The following RBMS3 variants were observed in gnomAD, a reference collection of about 807,000 sequenced individuals.
RBMS3 encodes RNA binding motif single stranded interacting protein 3, also known as RNA-binding motif, single-stranded-interacting protein 3.
RBMS3 carries 27 observed loss-of-function variants against 66.8 expected under a neutral mutation model. That is an observed-to-expected ratio of 0.40 (90% CI 0.30 to 0.56). The LOEUF is 0.56. Among genes scored for constraint, RBMS3 ranks in the 20% least tolerant of loss-of-function variants. The pLI, the probability that RBMS3 is intolerant of heterozygous loss-of-function variation, is 0.40. For synonymous variants in RBMS3, 188 were observed against 183.0 expected, an observed-to-expected ratio of 1.03 and a Z score of -0.22; for missense variants, 513 against 549.5, an observed-to-expected ratio of 0.93 and a Z score of 0.66.
chr3:29,388,061 A>G (rs1575680413), intron 1 of RBMS3, among the ~76,000 whole-genome samples: 2 of 149,910 alleles, frequency 1.3e-5, no homozygotes, highest in South Asian at 4.2e-4. Flanking sequence ...AACTTCCCCA[A>G]CCAAACTGTC....
At chr3:29,804,517 A>G (rs1461113584) in intron 6 of RBMS3, among the ~76,000 whole-genome samples, 1 of 152,074 alleles carries the variant, frequency 6.6e-6, no homozygotes, top group Admixed American at 6.6e-5. Flanking sequence ...AATTATATAC[A>G]CTATGTGCCA....
intron 4 of RBMS3, among the ~76,000 whole-genome samples, chr3:29,694,907 G>A (rs1305752249): frequency 6.6e-6 from 1 of 151,408 alleles, no homozygotes; most frequent in African/African-American, 2.4e-5. Flanking sequence ...TGTAACAATT[G>A]TCAGGCACAG....
At chr3:29,535,889 T>A (rs2045538885) in intron 3 of RBMS3, among the ~76,000 whole-genome samples, 1 of 152,010 alleles carries the variant, frequency 6.6e-6, no homozygotes, top group African/African-American at 2.4e-5. Flanking sequence ...GTGATTTATT[T>A]ATGGTCTATT....
At chr3:29,638,870 C>T (rs1052016015) in intron 4 of RBMS3, among the ~76,000 whole-genome samples, 6 of 151,694 alleles carry the variant, frequency 4.0e-5, no homozygotes, top group Non-Finnish European at 4.4e-5. Flanking sequence ...GACATTGCTT[C>T]GAGCTGGAAA....
At chr3:29,664,791 G>T (rs1405432352) in intron 4 of RBMS3, among the ~76,000 whole-genome samples, 5 of 152,034 alleles carry the variant, frequency 3.3e-5, no homozygotes, top group Non-Finnish European at 5.9e-5. Flanking sequence ...CTATATGTGG[G>T]TTGAAGCATA....
rs79750763 is a variant in RBMS3, at chr3:29,641,903, A to T, written c.399+54698A>T. ...GGGGCTTTGGAGATGCATATTAAACATCTGAAGCCAAGGGATTCTTCTTAG... is the reference window on the plus strand; with the variant it reads ...GGGGCTTTGGAGATGCATATTAAACTTCTGAAGCCAAGGGATTCTTCTTAG... On this transcript the variant is annotated intron_variant, in intron 4 of 14. Transcript: ENST00000383767. 7.1e-3 allele frequency among the ~76,000 whole-genome samples: 1,075 copies of T among 152,144 alleles called. 28 individuals are homozygous for T. The highest frequency in any genetic ancestry group is 0.057 in the Admixed American group (869 of 15,252).
chr3:29,754,989 T>C lies in RBMS3; in HGVS notation c.558-7921T>C, dbSNP rs532177750. ...CTCTGGGCCTGATAAATGTTGCATA[T>C]CTCACATAGTTGACCTGCTCTGAGC... On this transcript the variant is annotated intron_variant, in intron 5 of 14. Coordinates refer to ENST00000383767, the MANE Select transcript of RBMS3 (RefSeq NM_001003793.3). Among the ~76,000 whole-genome samples, 3 of 152,252 alleles carry C rather than the reference T, an allele frequency of 2.0e-5. No individual in the cohort carries two copies. The East Asian group carries it at 5.8e-4, about 30-fold the overall frequency.
intron 4 of RBMS3, among the ~76,000 whole-genome samples, chr3:29,704,636 A>G (rs1376864178): frequency 6.6e-6 from 1 of 152,190 alleles, no homozygotes; most frequent in Non-Finnish European, 1.5e-5. Flanking sequence ...GCATTCAACC[A>G]ATGTTGGATC....
At chr3:29,774,142 CAAGTT>C (rs1199662892) in intron 6 of RBMS3, among the ~76,000 whole-genome samples, 1 of 151,938 alleles carries the variant, frequency 6.6e-6, no homozygotes, top group Non-Finnish European at 1.5e-5. Flanking sequence ...AAAATGTACT[CAAGTT>C]AACTGAATCC....
At chr3:29,589,918 G>A (rs2047667301) in intron 4 of RBMS3, among the ~76,000 whole-genome samples, 1 of 151,960 alleles carries the variant, frequency 6.6e-6, no homozygotes, top group Non-Finnish European at 1.5e-5. Context: ...CTCTCCAAGT[G>A]AATTGTCTTA....
intron 3 of RBMS3, among the ~76,000 whole-genome samples, chr3:29,488,750 A>G (rs1431592469): frequency 6.6e-6 from 1 of 152,150 alleles, no homozygotes; most frequent in Non-Finnish European, 1.5e-5. Flanking sequence ...AAACTAAATT[A>G]CCTCCTAACA....
intron 1 of RBMS3, among the ~76,000 whole-genome samples, chr3:29,311,244 G>A (rs924662811): frequency 6.6e-6 from 1 of 151,732 alleles, no homozygotes; most frequent in Admixed American, 6.6e-5. Flanking sequence ...GGAGAGCTCT[G>A]GCAGGAGAAT....
At chr3:30,000,131 T>TTGCAATC (rs1250652359) in intron 14 of RBMS3, among the ~76,000 whole-genome samples, 1 of 152,112 alleles carries the variant, frequency 6.6e-6, no homozygotes, top group Non-Finnish European at 1.5e-5. Context: ...GAGAAAATGT[T>TTGCAATC]TGCAATCTAC....
intron 4 of RBMS3, among the ~76,000 whole-genome samples, chr3:29,694,335 A>G (rs1449897063): frequency 6.6e-6 from 1 of 152,220 alleles, no homozygotes; most frequent in Non-Finnish European, 1.5e-5. Flanking sequence ...CATTCATGGA[A>G]GCCTTTGTCT....
intron 1 of RBMS3, among the ~76,000 whole-genome samples, chr3:29,378,508 A>G (rs939951901): frequency 8.0e-5 from 12 of 150,114 alleles, no homozygotes; most frequent in African/African-American, 2.9e-4. Flanking sequence ...ACAAAAAACA[A>G]CTGTCTATTT....
At chr3:29,753,240 G>A (rs1332070570) in intron 5 of RBMS3, among the ~76,000 whole-genome samples, 2 of 152,170 alleles carry the variant, frequency 1.3e-5, no homozygotes, top group African/African-American at 4.8e-5. Flanking sequence ...AACAGGCAGT[G>A]CACCTAGATA....
At chr3:29,385,305 A>C (rs576362424) in intron 1 of RBMS3, among the ~76,000 whole-genome samples, 3 of 152,258 alleles carry the variant, frequency 2.0e-5, no homozygotes, top group South Asian at 4.2e-4. Flanking sequence ...CTGTCTGGTT[A>C]GCACTCCCCA....
At chr3:29,618,847 T>C (rs966351549) in intron 4 of RBMS3, among the ~76,000 whole-genome samples, 1 of 152,170 alleles carries the variant, frequency 6.6e-6, no homozygotes, top group African/African-American at 2.4e-5. Context: ...TGCTTCTCTT[T>C]TTCCCTATTC....
At chr3:29,945,625 A>AAT (rs1559826299) in intron 12 of RBMS3, among the ~76,000 whole-genome samples, 1 of 151,768 alleles carries the variant, frequency 6.6e-6, no homozygotes, top group Non-Finnish European at 1.5e-5. Context: ...GTAATTTACC[A>AAT]ATATTCATAA....
Sources: allele counts gnomAD v4.1 joint callset (sites outside exome capture counted in the v4.1 genomes callset), GRCh38; gene constraint gnomAD v4.1.1; transcripts MANE v1.5; gene names NCBI Gene and HGNC (gene_info 2026-07-23, HGNC 2026-07-21).